Variants in ANKRD36 observed in about 807,000 individuals in gnomAD.
The protein encoded by ANKRD36 is ankyrin repeat domain-containing protein 36A.
ANKRD36 carries 179 observed loss-of-function variants against 278.1 expected under a neutral mutation model. The observed-to-expected ratio is 0.64, with a 90% CI of 0.57 to 0.73. The LOEUF is 0.73. Ranked by LOEUF, ANKRD36 falls within the 30% of genes least tolerant of loss-of-function variation. ANKRD36 has a pLI of 0.00. For synonymous variants in ANKRD36, 320 were observed against 641.1 expected (o/e 0.50, Z 7.57); for missense variants, 1,159 against 1,956.7 (o/e 0.59, Z 7.69).
At chr2:97,157,088 G>C (rs2047644813) in intron 15 of ANKRD36, among the ~76,000 whole-genome samples, 1 of 150,886 alleles carries the variant, frequency 6.6e-6, no homozygotes, top group South Asian at 2.1e-4. Context: ...CCTTTCTCCA[G>C]GTGTTAAGTT....
At chr2:97,193,924 A>G (rs567319111) in intron 38 of ANKRD36, among the ~76,000 whole-genome samples, 8 of 151,820 alleles carry the variant, frequency 5.3e-5, no homozygotes, top group Non-Finnish European at 5.9e-5. Flanking sequence ...CGCCTAAAAT[A>G]GTCATTTTCA....
chr2:97,129,174 G>A (rs1309553072), intron 6 of ANKRD36, among the ~76,000 whole-genome samples: 1 of 152,114 alleles, frequency 6.6e-6, no homozygotes, highest in African/African-American at 2.4e-5. Context: ...TAACTCTGGT[G>A]TGAGATGGTA....
rs2050086333 is a variant in ANKRD36 at position 97,164,446 on chromosome 2, T to C, written c.1508T>C (p.Met503Thr). Reference sequence around the variant, plus strand: ...ATTTCAACTAGATTCTTAGGAGGTATGGATTCACTAACTTCCAGTGAAGGT... The same window carrying C: ...ATTTCAACTAGATTCTTAGGAGGTACGGATTCACTAACTTCCAGTGAAGGT... ...DHISTRFLGG[M>T]DSLTSSEESS... is the part of the protein sequence containing the mutation. The change falls in exon 20 of 76, where the codon ATG becomes ACG. Residue 503 changes from methionine (M) to threonine (T), a missense_variant. Transcript: ENST00000420699. 1.3e-6 allele frequency: 2 copies of C among 1,537,118 alleles called. No homozygotes were observed. The highest frequency in any genetic ancestry group is 1.7e-4 in the Middle Eastern group (1 of 6,006).
At chr2:97,240,982 G>GTTGT (rs2074244091) in intron 68 of ANKRD36, among the ~76,000 whole-genome samples, 31 of 52,998 alleles carry the variant, frequency 5.8e-4, no homozygotes, top group African/African-American at 2.1e-3. Flanking sequence ...ACATAACTAT[G>GTTGT]TTTTTTTTTT....
intron 66 of ANKRD36, among the ~76,000 whole-genome samples, chr2:97,220,777 T>TAA (rs1486058675): frequency 0.014 from 1,324 of 93,324 alleles, 3 homozygotes; most frequent in African/African-American, 0.068. Flanking sequence ...TTTTTTTAAT[T>TAA]TTTTTTTTTT....
intron 6 of ANKRD36, among the ~76,000 whole-genome samples, chr2:97,141,714 G>A (rs2042949580): frequency 6.7e-6 from 1 of 149,214 alleles, no homozygotes; most frequent in Non-Finnish European, 1.5e-5. Flanking sequence ...TTTTCAAGGA[G>A]CTAACTTTTG....
rs766635543 is a variant in ANKRD36 at position 97,209,653 on chromosome 2, G to T, written c.3266-28G>T. On this transcript the variant is annotated intron_variant, in intron 54 of 75. Transcript: ENST00000420699. ...ATAACTTTATCATATTTACATGTGA[G>T]TGATTATGTATCCCTTTTGCTTTTC... The T allele has an allele frequency of 1.9e-6, 3 of 1,583,618 alleles. No individual in the cohort carries two copies. The South Asian group carries it at 3.3e-5, about 18-fold the overall frequency.
At chr2:97,231,082 G>T (rs527237485) in intron 67 of ANKRD36, among the ~76,000 whole-genome samples, 7 of 152,104 alleles carry the variant, frequency 4.6e-5, no homozygotes, top group Non-Finnish European at 8.8e-5. Flanking sequence ...GCTGCTCGGG[G>T]GTCAGTGGTC....
chr2:97,156,177 C>T (rs370036889), intron 15 of ANKRD36, among the ~76,000 whole-genome samples: 6 of 145,264 alleles, frequency 4.1e-5, no homozygotes, highest in South Asian at 2.1e-4. Flanking sequence ...AAAGCCCCAA[C>T]CATGTTCTAT....
intron 32 of ANKRD36, among the ~76,000 whole-genome samples, chr2:97,187,887 A>G (rs2057769928): frequency 6.6e-6 from 1 of 151,780 alleles, no homozygotes; most frequent in Non-Finnish European, 1.5e-5. Flanking sequence ...TCAGACAGGA[A>G]GGAGGGAAAA....
chr2:97,219,834 A>G (rs1458407214), intron 66 of ANKRD36, among the ~76,000 whole-genome samples: 503 of 142,502 alleles, frequency 3.5e-3, no homozygotes, highest in African/African-American at 0.013. Flanking sequence ...TGATACTCTG[A>G]AGTTTCCAAT....
At chr2:97,138,616 C>T (rs1231351507) in intron 6 of ANKRD36, among the ~76,000 whole-genome samples, 1 of 151,836 alleles carries the variant, frequency 6.6e-6, no homozygotes, top group Non-Finnish European at 1.5e-5. Context: ...AAAAAAGAGC[C>T]CATATAGCCA....
chr2:97,118,363 A>G lies in ANKRD36; in HGVS notation c.332A>G (p.Glu111Gly), dbSNP rs767820503. 7 of 1,609,784 alleles carry G rather than the reference A, an allele frequency of 4.3e-6. No individual in the cohort carries two copies. The highest frequency in any genetic ancestry group is 4.0e-5 in the African/African-American group (3 of 74,980). Residue 111 changes from glutamate (E) to glycine (G), a missense_variant, in exon 3 of 76, where the codon GAG becomes GGG. Transcript: ENST00000420699. ...TGACAGGCTGTACAACTGAGGCAGG[A>G]GGCTTGTGCAACTCTTCTGCTGCAA... ...PLIKAVQLRQEACATLLLQNG... is the reference protein window; with the variant it reads ...PLIKAVQLRQGACATLLLQNG...
chr2:97,150,885 T>C (rs2045768144), intron 12 of ANKRD36, among the ~76,000 whole-genome samples: 12 of 22,994 alleles, frequency 5.2e-4, no homozygotes, highest in Admixed American at 1.3e-3. Flanking sequence ...TTTTTTTTTT[T>C]CTTTCCCCCT....
intron 6 of ANKRD36, among the ~76,000 whole-genome samples, chr2:97,130,434 C>A (rs1486093828): frequency 1.8e-5 from 2 of 108,142 alleles, no homozygotes; most frequent in Non-Finnish European, 3.5e-5. Context: ...CATCACACAC[C>A]GGGGACTGTT....
At chr2:97,122,156 G>A (rs539948514) in intron 3 of ANKRD36, among the ~76,000 whole-genome samples, 15 of 85,262 alleles carry the variant, frequency 1.8e-4, no homozygotes, top group African/African-American at 4.0e-4. Flanking sequence ...TTACACCATC[G>A]ATAGAAGAGA....
rs539242006 is a variant in ANKRD36 at position 97,167,064 on chromosome 2, T to C, written c.1532-513T>C. Among the ~76,000 whole-genome samples, 173 of 151,762 alleles carry C rather than the reference T, an allele frequency of 1.1e-3. 1 individual carries two copies. The highest frequency in any genetic ancestry group is 3.9e-3 in the African/African-American group (162 of 41,398). On this transcript the variant is annotated intron_variant, in intron 20 of 75. Coordinates refer to ENST00000420699, the MANE Select transcript of ANKRD36 (RefSeq NM_001354587.1). ...TACACATTAGGTATTTGGAGTGTAATGTATACTTTTTTGCATAAGTGAATG... is the reference window on the plus strand; with the variant it reads ...TACACATTAGGTATTTGGAGTGTAACGTATACTTTTTTGCATAAGTGAATG...
chr2:97,183,387 A>G, intron 26 of ANKRD36, 72 bp from the exon 27 acceptor site: 2 of 1,469,140 alleles, frequency 1.4e-6, no homozygotes, highest in Non-Finnish European at 9.2e-7. Context: ...CTTGATGCTA[A>G]CACTGCATGA....
At position 97,198,742 on chromosome 2, in the gene ANKRD36, G is replaced by A. The variant is rs556592380; in HGVS notation, c.2755+84G>A. 18 of 1,350,502 alleles carry A rather than the reference G, an allele frequency of 1.3e-5. 1 individual carries two copies. The highest frequency in any genetic ancestry group is 1.1e-4 in the South Asian group (8 of 73,428). The allele number at this position is 1,350,502 out of a possible 1,614,324, so 83.7% of individuals were successfully genotyped here. A position where few individuals can be genotyped will look rare whatever the true frequency, so the allele number is the denominator to read the frequency against. ...CCCTGAATAAATCAGCGGGGGGCTC[G>A]TTGAAGCTGCACATTCTGATTCAGC... On this transcript the variant is annotated intron_variant, in intron 44 of 75. Transcript: ENST00000420699.
Sources: allele counts gnomAD v4.1 joint callset (sites outside exome capture counted in the v4.1 genomes callset), GRCh38; gene constraint gnomAD v4.1.1; transcripts MANE v1.5; gene names NCBI Gene and HGNC (gene_info 2026-07-23, HGNC 2026-07-21).